PRRX2: variants seen among roughly 807,000 people sequenced by gnomAD.
PRRX2 encodes paired mesoderm homeobox protein 2.
Under a neutral mutation model 18.0 loss-of-function variants are expected in PRRX2, and 11 were observed. The observed-to-expected ratio is 0.61, with a 90% CI of 0.39 to 1.01. The LOEUF (loss-of-function observed/expected upper bound fraction) is 1.01. Among genes scored for constraint, PRRX2 ranks in the 50% least tolerant of loss-of-function variants. PRRX2 has a pLI of 0.01. For synonymous variants in PRRX2, 177 were observed against 154.8 expected (o/e 1.14, Z -1.06); for missense variants, 387 against 351.0 (o/e 1.10, Z -0.82).
intron 1 of PRRX2, among the ~76,000 whole-genome samples, chr9:129,692,147 G>T (rs947380147): frequency 6.6e-6 from 1 of 151,566 alleles, no homozygotes; most frequent in Non-Finnish European, 1.5e-5. Flanking sequence ...ATAAGGTTTT[G>T]CTGTGTTGAC....
At chr9:129,668,778 C>CAA (rs562855941) in intron 1 of PRRX2, among the ~76,000 whole-genome samples, 2,099 of 58,466 alleles carry the variant, frequency 0.036, 103 homozygotes, top group African/African-American at 0.11. Context: ...GACTCCATCT[C>CAA]AAAAAAAAAA....
rs944489424 is a variant in PRRX2 at position 129,691,228 on chromosome 9, A to G, written c.259+25102A>G. Among the ~76,000 whole-genome samples the G allele has an allele frequency of 4.0e-5, 6 of 149,468 alleles. 1 individual carries two copies. Among genetic ancestry groups the G allele is most frequent in the African/African-American group, 1.5e-4 (6 of 40,842 alleles). On this transcript the variant is annotated intron_variant, in intron 1 of 3. Transcript: ENST00000372469. ...GGCGGGAACCTGTAATCCCAGCTAC[A>G]TGGGAGGCTGAGGCAGGAGAATTGC...
chr9:129,684,458 A>ACACACACACACC (rs375037713), intron 1 of PRRX2, among the ~76,000 whole-genome samples: 10 of 118,688 alleles, frequency 8.4e-5, no homozygotes, highest in African/African-American at 2.6e-4. Flanking sequence ...ACACACACAC[A>ACACACACACACC]CCCAACAGAA....
chr9:129,684,026 A>C (rs974509183), intron 1 of PRRX2, among the ~76,000 whole-genome samples: 1 of 152,164 alleles, frequency 6.6e-6, no homozygotes, highest in African/African-American at 2.4e-5. Context: ...CCTGGACCCC[A>C]TGTGGTGGAG....
rs913899387 is a variant in PRRX2 at position 129,695,204 on chromosome 9, C to T, written c.260-24027C>T. Reference sequence around the variant, plus strand: ...AGGAGGATTATTCCCTTCTCCACCCCACAGTCCGTGAGTGTGGATAGGTGG... The same window carrying T: ...AGGAGGATTATTCCCTTCTCCACCCTACAGTCCGTGAGTGTGGATAGGTGG... On this transcript the variant is annotated intron_variant, in intron 1 of 3. Coordinates refer to ENST00000372469, the MANE Select transcript of PRRX2 (RefSeq NM_016307.4). This position sits in a 1 kb window ranked among gnomAD's most constrained non-coding sequence, Gnocchi z 4.8. Among the ~76,000 whole-genome samples the T allele has an allele frequency of 6.6e-6, 1 of 152,194 alleles. No individual in the cohort carries two copies. Among genetic ancestry groups the T allele is most frequent in the African/African-American group, 2.4e-5 (1 of 41,448 alleles).
At chr9:129,678,921 GC>G (rs1832193824) in intron 1 of PRRX2, among the ~76,000 whole-genome samples, 2 of 152,292 alleles carry the variant, frequency 1.3e-5, no homozygotes, top group South Asian at 2.1e-4. Flanking sequence ...CTGACCACAA[GC>G]CCCTAACTGG....
In PRRX2 at chr9:129,720,750, C is replaced by A; in HGVS notation, c.602C>A (p.Ser201Tyr). 1 of 1,603,000 alleles carries A rather than the reference C, an allele frequency of 6.2e-7. No homozygotes were observed. The stretch of plus-strand genomic sequence containing the variant: ...ACCGCCCTGAGTCCAGATTATCTCT[C>A]CTGGACAGCCTCGTCCCCCTACAGG... The part of the protein sequence containing the change: ...RPTALSPDYL[S>Y]WTASSPYSTV... Residue 201 changes from serine to tyrosine, a missense_variant, in exon 3 of 4, where the codon TCC becomes TAC. Ser to Tyr is a moderately radical substitution (Grantham distance 144). Transcript: ENST00000372469.
intron 1 of PRRX2, among the ~76,000 whole-genome samples, chr9:129,687,735 G>A (rs939986536): frequency 1.3e-5 from 2 of 152,226 alleles, no homozygotes; most frequent in African/African-American, 2.4e-5. Context: ...TTGGGGAGCA[G>A]AAAGGTAGCA....
In PRRX2 at chr9:129,671,484, A is replaced by T. The variant is rs1403448861; in HGVS notation, c.259+5358A>T. On this transcript the variant is annotated intron_variant, in intron 1 of 3. Transcript: ENST00000372469. This position sits in a 1 kb window ranked among gnomAD's most constrained non-coding sequence, Gnocchi z 4.0. ...AGAAACTCAACAGGCTGGAGCCACC[A>T]CTGTCCCCTCCCAGAAAACTCCAGA... is the stretch of plus-strand genomic sequence containing the variant. 6.6e-6 allele frequency among the ~76,000 whole-genome samples: 1 copy of T among 152,180 alleles called. No individual in the cohort carries two copies. Among genetic ancestry groups the T allele is most frequent in the Non-Finnish European group, 1.5e-5 (1 of 68,036 alleles).
Position 129,722,308 on chromosome 9 carries a change from A to G in PRRX2, c.718A>G (p.Lys240Glu). The G allele has an allele frequency of 1.2e-6, 2 of 1,614,026 alleles. No homozygotes were observed. Among genetic ancestry groups the G allele is most frequent in the Non-Finnish European group, 1.7e-6 (2 of 1,179,998 alleles). ...NSIASLRLKAKEFSLHHSQVP... is the reference protein window; with the variant it reads ...NSIASLRLKAEEFSLHHSQVP... Reference sequence around the variant, plus strand: ...CATCGCCAGCCTCCGTCTCAAGGCCAAGGAGTTCAGCCTGCACCACAGCCA... The same window carrying G: ...CATCGCCAGCCTCCGTCTCAAGGCCGAGGAGTTCAGCCTGCACCACAGCCA... Residue 240 changes from lysine (K) to glutamate (E), a missense_variant, in exon 4 of 4, where the codon AAG becomes GAG. Lys to Glu is a moderately conservative substitution (Grantham distance 56, BLOSUM62 1). Coordinates refer to ENST00000372469, the MANE Select transcript of PRRX2 (RefSeq NM_016307.4).
chr9:129,678,505 C>A (rs729524), intron 1 of PRRX2, among the ~76,000 whole-genome samples: 52,546 of 151,938 alleles, frequency 0.35, 9,524 homozygotes, highest in African/African-American at 0.45. Flanking sequence ...GGTTCAGGGA[C>A]GGTTTCCTGG....
chr9:129,675,080 G>A lies in PRRX2; in HGVS notation c.259+8954G>A, dbSNP rs1000742951. 5.9e-5 allele frequency among the ~76,000 whole-genome samples: 9 copies of A among 152,170 alleles called. No individual in the cohort carries two copies. Among genetic ancestry groups the A allele is most frequent in the African/African-American group, 2.2e-4 (9 of 41,430 alleles). On this transcript the variant is annotated intron_variant, in intron 1 of 3. Coordinates refer to ENST00000372469, the MANE Select transcript of PRRX2 (RefSeq NM_016307.4). This position sits in a 1 kb window ranked among gnomAD's most constrained non-coding sequence, Gnocchi z 4.4. ...CCGAGTGGAAAGCGGTCCTCTCGAG[G>A]GGACAGAGAGGCCGGGCAGAGCTGC...
chr9:129,680,061 G>A (rs1168130615), intron 1 of PRRX2, among the ~76,000 whole-genome samples: 1 of 152,114 alleles, frequency 6.6e-6, no homozygotes, highest in Non-Finnish European at 1.5e-5. Context: ...GACCAGGCAG[G>A]TAGGGGATTA....
intron 1 of PRRX2, among the ~76,000 whole-genome samples, chr9:129,687,861 G>A (rs1466796831): frequency 6.6e-6 from 1 of 152,204 alleles, no homozygotes; most frequent in Non-Finnish European, 1.5e-5. Context: ...GCAACCTGAT[G>A]ACAGTAGCCC....
chr9:129,684,418 C>A (rs553384327), intron 1 of PRRX2, among the ~76,000 whole-genome samples: 1 of 105,480 alleles, frequency 9.5e-6, no homozygotes, highest in Admixed American at 1.1e-4. Context: ...GAGAGACACA[C>A]ACAGATACAA....
At chr9:129,718,262 CTGAT>C (rs1832740240) in intron 1 of PRRX2, among the ~76,000 whole-genome samples, 1 of 152,160 alleles carries the variant, frequency 6.6e-6, no homozygotes, top group African/African-American at 2.4e-5. Context: ...CACTCTCTAA[CTGAT>C]TGGAGAACTC....
intron 1 of PRRX2, among the ~76,000 whole-genome samples, chr9:129,666,501 A>T (rs1832024800): frequency 6.6e-6 from 1 of 151,572 alleles, no homozygotes; most frequent in South Asian, 2.1e-4. Context: ...CCCCTCCCGC[A>T]CGAGCTAGCG....
At chr9:129,673,689 C>T (rs567121555) in intron 1 of PRRX2, among the ~76,000 whole-genome samples, 8 of 152,102 alleles carry the variant, frequency 5.3e-5, no homozygotes, top group Non-Finnish European at 8.8e-5. Context: ...GGCACACACA[C>T]GCCCCTCATC....
chr9:129,668,330 C>G (rs552454688), intron 1 of PRRX2, among the ~76,000 whole-genome samples: 3 of 152,274 alleles, frequency 2.0e-5, no homozygotes, highest in Admixed American at 6.5e-5. Flanking sequence ...CTGGGCTTGC[C>G]GGGACTGCAG....
Sources: gnomAD v4.1 joint callset for allele counts (sites outside exome capture counted in the v4.1 genomes callset) on GRCh38, gnomAD v4.1.1 for gene constraint, Gnocchi (gnomAD v3.1) non-coding constraint, MANE v1.5 for transcripts, NCBI Gene and HGNC (gene_info 2026-07-23, HGNC 2026-07-21) for gene names.